TP63: variants seen among roughly 807,000 people sequenced by gnomAD.
The protein encoded by TP63 is tumor protein p63.
TP63 carries 17 observed loss-of-function variants against 82.8 expected under a neutral mutation model. The ratio of observed to expected loss-of-function variants is 0.21; its 90% CI spans 0.14 to 0.31. The LOEUF is 0.31. Ranked by LOEUF, TP63 falls within the 10% of genes least tolerant of loss-of-function variation. The pLI is 1.00. For missense variants in TP63, 648 were observed against 895.3 expected, an observed-to-expected ratio of 0.72 and a Z score of 3.52; for synonymous variants, 330 against 321.7, an observed-to-expected ratio of 1.03 and a Z score of -0.28.
intron 3 of TP63, among the ~76,000 whole-genome samples, chr3:189,755,533 T>G (rs1722125680): frequency 6.6e-6 from 1 of 152,266 alleles, no homozygotes; most frequent in Admixed American, 6.5e-5. Context: ...AAACTTAAAT[T>G]TCCTCATTAT....
intron 3 of TP63, among the ~76,000 whole-genome samples, chr3:189,751,239 T>C (rs970127753): frequency 6.6e-6 from 1 of 152,232 alleles, no homozygotes; most frequent in Non-Finnish European, 1.5e-5. Context: ...TTTGGGTTGG[T>C]TCCAAGTCTT....
intron 3 of TP63, among the ~76,000 whole-genome samples, chr3:189,796,537 C>A (rs1400567634): frequency 1.3e-5 from 2 of 151,644 alleles, no homozygotes; most frequent in East Asian, 3.9e-4. Context: ...GTACTCATTT[C>A]TTTCTCTTTT....
At chr3:189,662,774 G>A (rs73195961) in intron 1 of TP63, among the ~76,000 whole-genome samples, 50,602 of 151,648 alleles carry the variant, frequency 0.33, 9,461 homozygotes, top group Middle Eastern at 0.55. Context: ...TGTCTTTTAT[G>A]GGGATGAAGA....
At chr3:189,848,239 T>TTCTCTCTCTCCCTCTCTCTCTCTCTCTC (rs1715153281) in intron 4 of TP63, among the ~76,000 whole-genome samples, 1 of 95,984 alleles carries the variant, frequency 1.0e-5, no homozygotes, top group Non-Finnish European at 2.0e-5. Flanking sequence ...CTCCTCCTCC[T>TTCTCTCTCTCCCTCTCTCTCTCTCTCTC]TCTCTCTCTC....
At chr3:189,733,823 A>T (rs13433804) in intron 1 of TP63, among the ~76,000 whole-genome samples, 2 of 151,876 alleles carry the variant, frequency 1.3e-5, no homozygotes, top group African/African-American at 2.4e-5. Context: ...AAATAAACCA[A>T]GTCAGCCACA....
At chr3:189,743,697 G>T (rs116446120) in intron 3 of TP63, among the ~76,000 whole-genome samples, 1 of 152,190 alleles carries the variant, frequency 6.6e-6, no homozygotes, top group South Asian at 2.1e-4. Context: ...ATGGCAAGTA[G>T]ATTGTCACAT....
At chr3:189,771,498 A>T (rs1723372090) in intron 3 of TP63, among the ~76,000 whole-genome samples, 1 of 140,026 alleles carries the variant, frequency 7.1e-6, no homozygotes, top group Non-Finnish European at 1.5e-5. Flanking sequence ...TATAATATAT[A>T]AATATATTAA....
At chr3:189,758,470 CAG>C (rs1426085054) in intron 3 of TP63, among the ~76,000 whole-genome samples, 2 of 152,186 alleles carry the variant, frequency 1.3e-5, no homozygotes, top group Non-Finnish European at 2.9e-5. Context: ...AAGGAATAAT[CAG>C]GGGAGAAGGG....
intron 8 of TP63, 124 bp downstream of exon 8, chr3:189,868,840 C>G: frequency 2.0e-6 from 3 of 1,491,526 alleles, no homozygotes; most frequent in South Asian, 2.3e-5. Flanking sequence ...GGACGTCAGC[C>G]CTCAGAGCCA....
intron 1 of TP63, among the ~76,000 whole-genome samples, chr3:189,671,805 A>G (rs1227185052): frequency 6.6e-6 from 1 of 152,130 alleles, no homozygotes; most frequent in Non-Finnish European, 1.5e-5. Flanking sequence ...GACAAATACT[A>G]CATGTTCTCA....
chr3:189,843,987 A>G (rs1287823960), intron 4 of TP63, among the ~76,000 whole-genome samples: 1 of 152,100 alleles, frequency 6.6e-6, no homozygotes, highest in Non-Finnish European at 1.5e-5. Flanking sequence ...AGTGTTTTCA[A>G]TCTAACCACT....
intron 1 of TP63, among the ~76,000 whole-genome samples, chr3:189,690,583 T>G (rs1209244490): frequency 2.0e-5 from 3 of 152,226 alleles, no homozygotes; most frequent in African/African-American, 7.2e-5. Flanking sequence ...TAGACACATT[T>G]ATTTGAATTG....
intron 8 of TP63, among the ~76,000 whole-genome samples, 182 bp from the exon 9 acceptor site, chr3:189,869,142 C>T (rs1451616039): frequency 2.6e-5 from 4 of 152,194 alleles, no homozygotes; most frequent in Non-Finnish European, 5.9e-5. Context: ...AAACAATTGT[C>T]CCCAGTTAAA....
chr3:189,847,472 G>T (rs938044960), intron 4 of TP63, among the ~76,000 whole-genome samples: 1 of 152,204 alleles, frequency 6.6e-6, no homozygotes, highest in African/African-American at 2.4e-5. Context: ...GGGGGATCAT[G>T]TAAGTTGCCA....
intron 3 of TP63, among the ~76,000 whole-genome samples, chr3:189,741,873 A>G (rs1721011232): frequency 6.6e-6 from 1 of 152,208 alleles, no homozygotes; most frequent in African/African-American, 2.4e-5. Flanking sequence ...AGTAAAGGTG[A>G]GTGGAGGCTC....
intron 4 of TP63, among the ~76,000 whole-genome samples, chr3:189,826,405 T>C (rs1432311474): frequency 3.3e-5 from 5 of 152,170 alleles, no homozygotes; most frequent in African/African-American, 9.7e-5. Context: ...AAACAATGAG[T>C]CTCTCTAGGA....
At position 189,886,606 on chromosome 3, in the gene TP63, A is replaced by G. The variant is rs1402158515; in HGVS notation, c.1507+55A>G. 5.0e-6 allele frequency: 8 copies of G among 1,607,650 alleles called. No homozygotes were observed. The Admixed American group carries it at 1.3e-4, about 27-fold the overall frequency. ...AAGGATGAACAGGCTAGCTTAGGAC[A>G]AGACTCTGTGATGGGGAAGGCATGT... On this transcript the variant is annotated intron_variant, in intron 11 of 13. Coordinates refer to ENST00000264731, the MANE Select transcript of TP63 (RefSeq NM_003722.5).
chr3:189,793,935 G>A (rs1017177881), intron 3 of TP63, among the ~76,000 whole-genome samples: 2 of 152,028 alleles, frequency 1.3e-5, no homozygotes, highest in African/African-American at 4.8e-5. Context: ...ATCCAATAGA[G>A]TACTACATTT....
intron 4 of TP63, among the ~76,000 whole-genome samples, chr3:189,820,193 T>C (rs1728657535): frequency 6.6e-6 from 1 of 152,252 alleles, no homozygotes; most frequent in African/African-American, 2.4e-5. Context: ...GTTTACCTTT[T>C]GCTGTAAAAG....
Sources: allele counts gnomAD v4.1 joint callset (sites outside exome capture counted in the v4.1 genomes callset), GRCh38; gene constraint gnomAD v4.1.1; transcripts MANE v1.5; gene names NCBI Gene and HGNC (gene_info 2026-07-23, HGNC 2026-07-21).